Variants in FSTL4 observed in about 807,000 individuals in gnomAD.
The protein encoded by FSTL4 is follistatin like 4, also known as follistatin-related protein 4.
A neutral mutation model predicts 78.2 loss-of-function variants in FSTL4; 28 were observed. The ratio of observed to expected loss-of-function variants is 0.36; its 90% CI spans 0.27 to 0.49. The LOEUF is 0.49. Ranked by LOEUF, FSTL4 falls within the 20% of genes least tolerant of loss-of-function variation. The pLI is 0.98. For missense variants in FSTL4, 922 were observed against 1,084.9 expected, an observed-to-expected ratio of 0.85 and a Z score of 2.11; for synonymous variants, 422 against 440.5, an observed-to-expected ratio of 0.96 and a Z score of 0.53.
the FSTL4 span, among the ~76,000 whole-genome samples, chr5:133,813,467 C>A: frequency 7.3e-4 from 111 of 152,292 alleles, 1 homozygote; most frequent in African/African-American, 2.4e-3. Context: ...TAGTTACATG[C>A]GGCTAATGGC....
the FSTL4 span, among the ~76,000 whole-genome samples, chr5:133,619,854 A>T: frequency 1.3e-5 from 2 of 152,232 alleles, no homozygotes; most frequent in South Asian, 4.1e-4. Context: ...TTGGTGTAGT[A>T]TATAACAAAT....
the FSTL4 span, among the ~76,000 whole-genome samples, chr5:133,803,491 A>G: frequency 6.6e-6 from 1 of 152,184 alleles, no homozygotes. Context: ...GGAATACAAG[A>G]GGCACAACTG....
At chr5:133,478,459 G>C (rs1368580880) in intron 3 of FSTL4, among the ~76,000 whole-genome samples, 2 of 151,610 alleles carry the variant, frequency 1.3e-5, no homozygotes, top group Non-Finnish European at 2.9e-5. Context: ...GATAAATAAT[G>C]CATTTTCAGG....
At chr5:133,834,310 T>C in the FSTL4 span, among the ~76,000 whole-genome samples, 201 of 152,064 alleles carry the variant, frequency 1.3e-3, 3 homozygotes, top group African/African-American at 4.6e-3. Context: ...CATCTACTGT[T>C]TTTTTCAAAA....
At chr5:133,553,335 G>A (rs553395204) in intron 3 of FSTL4, among the ~76,000 whole-genome samples, 4 of 152,220 alleles carry the variant, frequency 2.6e-5, no homozygotes, top group Non-Finnish European at 5.9e-5. Flanking sequence ...CTATGGATGC[G>A]CCTGCTCTTC....
At chr5:133,515,966 C>T (rs1580759471) in intron 3 of FSTL4, among the ~76,000 whole-genome samples, 2 of 152,100 alleles carry the variant, frequency 1.3e-5, no homozygotes, top group East Asian at 3.9e-4. Context: ...AAATCTACAG[C>T]TCATGAAAAG....
intron 3 of FSTL4, among the ~76,000 whole-genome samples, chr5:133,418,742 A>G (rs1756632031): frequency 6.6e-6 from 1 of 152,242 alleles, no homozygotes; most frequent in Non-Finnish European, 1.5e-5. Context: ...TTAAGGACAC[A>G]CCTTCATTGA....
chr5:133,735,130 C>T, the FSTL4 span, among the ~76,000 whole-genome samples: 2 of 152,160 alleles, frequency 1.3e-5, no homozygotes, highest in African/African-American at 4.8e-5. Context: ...GCCCCAGAAG[C>T]ACCTCATGCC....
the FSTL4 span, among the ~76,000 whole-genome samples, chr5:133,657,351 AAG>A: frequency 6.6e-6 from 1 of 152,154 alleles, no homozygotes. Flanking sequence ...TGACCAGGAA[AAG>A]AGTTAGCCCC....
intron 3 of FSTL4, among the ~76,000 whole-genome samples, chr5:133,418,830 C>T (rs1004671686): frequency 6.6e-6 from 1 of 152,186 alleles, no homozygotes; most frequent in African/African-American, 2.4e-5. Flanking sequence ...ACCCATGAAA[C>T]CATATCACAA....
rs1341624096 is a variant in FSTL4, at chr5:133,573,654, A to G, written c.127-6435T>C. Among the ~76,000 whole-genome samples, 4 of 152,338 alleles carry G rather than the reference A, an allele frequency of 2.6e-5. No homozygotes were observed. The East Asian group carries it at 7.7e-4, about 29-fold the overall frequency. On this transcript the variant is annotated intron_variant, in intron 2 of 15. Coordinates refer to ENST00000265342, the MANE Select transcript of FSTL4 (RefSeq NM_015082.2). ...AAAATTTAAAAAATCTCTGTCTTTAACTGATAGAACAAGTAGAGGAAAAAA... is the reference window on the plus strand; with the variant it reads ...AAAATTTAAAAAATCTCTGTCTTTAGCTGATAGAACAAGTAGAGGAAAAAA...
intron 12 of FSTL4, among the ~76,000 whole-genome samples, chr5:133,219,277 A>T (rs2042893): frequency 0.1 from 15,902 of 151,974 alleles, 2,567 homozygotes; most frequent in African/African-American, 0.35. Flanking sequence ...GCCACCCCCC[A>T]TTCTCTCCTA....
chr5:133,470,637 C>T (rs1757802247), intron 3 of FSTL4, among the ~76,000 whole-genome samples: 1 of 151,924 alleles, frequency 6.6e-6, no homozygotes, highest in South Asian at 2.1e-4. Context: ...CACAGCTACT[C>T]AGGAGGCTGA....
At chr5:133,266,088 C>G (rs1752634493) in intron 6 of FSTL4, among the ~76,000 whole-genome samples, 1 of 152,210 alleles carries the variant, frequency 6.6e-6, no homozygotes, top group South Asian at 2.1e-4. Flanking sequence ...CAGCTGGCAG[C>G]CCCGAATCCC....
intron 3 of FSTL4, among the ~76,000 whole-genome samples, chr5:133,498,393 A>G (rs1053562897): frequency 7.2e-5 from 11 of 152,200 alleles, no homozygotes; most frequent in African/African-American, 2.7e-4. Flanking sequence ...TACATTATTG[A>G]TACGTCTATA....
At chr5:133,739,933 C>T in the FSTL4 span, among the ~76,000 whole-genome samples, 2 of 149,388 alleles carry the variant, frequency 1.3e-5, no homozygotes, top group Non-Finnish European at 3.0e-5. Flanking sequence ...TGCTTTATCA[C>T]CCAGACAGGA....
chr5:133,604,728 T>A (rs1279252378), intron 1 of FSTL4, among the ~76,000 whole-genome samples: 1 of 151,988 alleles, frequency 6.6e-6, no homozygotes, highest in African/African-American at 2.4e-5. Context: ...AAATGATGAT[T>A]AAGAATTATG....
chr5:133,674,471 T>C, the FSTL4 span, among the ~76,000 whole-genome samples: 1 of 152,290 alleles, frequency 6.6e-6, no homozygotes, highest in South Asian at 2.1e-4. Flanking sequence ...AGGATCTTCA[T>C]GTACTATAAT....
chr5:133,512,220 C>T (rs560078944), intron 3 of FSTL4, among the ~76,000 whole-genome samples: 49 of 152,358 alleles, frequency 3.2e-4, no homozygotes, highest in Non-Finnish European at 5.1e-4. Flanking sequence ...CCGTGCTTCT[C>T]ACCTGTGTCC....
Sources: gnomAD v4.1 joint callset for allele counts (sites outside exome capture counted in the v4.1 genomes callset) on GRCh38, gnomAD v4.1.1 for gene constraint, MANE v1.5 for transcripts, NCBI Gene and HGNC (gene_info 2026-07-23, HGNC 2026-07-21) for gene names.